The following PRKN variants were observed in gnomAD, a reference collection of about 807,000 sequenced individuals.
PRKN encodes the protein E3 ubiquitin-protein ligase parkin.
Under a neutral mutation model 59.5 loss-of-function variants are expected in PRKN, and 56 were observed. The ratio of observed to expected loss-of-function variants is 0.94; its 90% CI spans 0.76 to 1.18. PRKN has a LOEUF of 1.18. Ranked by LOEUF, PRKN falls within the 50% of genes most tolerant of loss-of-function variation. PRKN has a pLI of 0.00. For synonymous variants in PRKN, 250 were observed against 222.1 expected, an observed-to-expected ratio of 1.13 and a Z score of -1.12; for missense variants, 657 against 596.4, an observed-to-expected ratio of 1.10 and a Z score of -1.06.
At chr6:162,144,671 T>C (rs904318040) in intron 4 of PRKN, among the ~76,000 whole-genome samples, 2 of 152,168 alleles carry the variant, frequency 1.3e-5, no homozygotes, top group Non-Finnish European at 2.9e-5. Context: ...GCTTACATAG[T>C]TGATTTCAGG....
At chr6:161,749,077 ACT>A (rs1325451366) in intron 7 of PRKN, among the ~76,000 whole-genome samples, 1 of 151,910 alleles carries the variant, frequency 6.6e-6, no homozygotes, top group African/African-American at 2.4e-5. Flanking sequence ...TGAACAGATG[ACT>A]CTCTATAGTA....
intron 4 of PRKN, among the ~76,000 whole-genome samples, chr6:162,083,900 G>A (rs1221437274): frequency 1.3e-5 from 2 of 151,570 alleles, no homozygotes; most frequent in African/African-American, 2.4e-5. Flanking sequence ...TAGAAAAGTT[G>A]GTATTTCTTC....
intron 7 of PRKN, among the ~76,000 whole-genome samples, chr6:161,594,230 C>T (rs991267817): frequency 6.6e-6 from 1 of 152,130 alleles, no homozygotes; most frequent in African/African-American, 2.4e-5. Flanking sequence ...ATCAATTTAA[C>T]ACTCTTCAAG....
intron 1 of PRKN, among the ~76,000 whole-genome samples, chr6:162,664,940 T>C (rs925781523): frequency 6.6e-6 from 1 of 152,142 alleles, no homozygotes; most frequent in African/African-American, 2.4e-5. Flanking sequence ...ACCACATGAT[T>C]ATCTCAACAG....
At chr6:162,442,572 G>A (rs1790110396) in intron 2 of PRKN, among the ~76,000 whole-genome samples, 3 of 152,106 alleles carry the variant, frequency 2.0e-5, no homozygotes, top group Non-Finnish European at 2.9e-5. Context: ...TCACCAATCC[G>A]AATGACATGT....
chr6:162,643,767 G>C (rs147479362), intron 1 of PRKN: 145 of 152,158 alleles, frequency 9.5e-4, no homozygotes, highest in African/African-American at 3.4e-3. Flanking sequence ...TTTTTATCCA[G>C]TGTTTTGCTG....
chr6:162,569,559 G>C (rs1780224633), intron 1 of PRKN: 2 of 718,644 alleles, frequency 2.8e-6, no homozygotes, highest in Admixed American at 3.5e-5. Flanking sequence ...TTGGCCTATG[G>C]GGGTCTCACA....
chr6:161,923,211 C>T (rs1014042650), intron 6 of PRKN, among the ~76,000 whole-genome samples: 3 of 152,202 alleles, frequency 2.0e-5, no homozygotes, highest in Admixed American at 6.5e-5. Context: ...GGGCCAGTGC[C>T]GGGGCTCATG....
At chr6:162,195,634 T>C (rs1784458122) in intron 4 of PRKN, among the ~76,000 whole-genome samples, 1 of 152,204 alleles carries the variant, frequency 6.6e-6, no homozygotes, top group South Asian at 2.1e-4. Context: ...CATGGCAGAG[T>C]ATCTCATTAG....
intron 6 of PRKN, among the ~76,000 whole-genome samples, chr6:161,864,916 A>T (rs1794053394): frequency 1.3e-5 from 2 of 152,180 alleles, no homozygotes; most frequent in Admixed American, 1.3e-4. Flanking sequence ...GGCCTCACAA[A>T]GTGCTGGGAT....
At chr6:161,692,024 T>C (rs914970234) in intron 7 of PRKN, among the ~76,000 whole-genome samples, 1 of 151,160 alleles carries the variant, frequency 6.6e-6, no homozygotes, top group African/African-American at 2.4e-5. Flanking sequence ...TCAATTTTTA[T>C]CTCTCTCCAA....
Position 161,372,933 on chromosome 6 carries a change from G to A in PRKN, c.1168-12728C>T, listed in dbSNP as rs925347776. ...TAGCCTGGAAATCCTGGGCTCTCGA[G>A]TAGCTGGGACTACAGGCACATGCTT... On this transcript the variant is annotated intron_variant, in intron 10 of 11. Transcript: ENST00000366898. This position sits in a 1 kb window ranked among gnomAD's most constrained non-coding sequence, Gnocchi z 4.2. Among the ~76,000 whole-genome samples, 1 of 150,962 alleles carries A rather than the reference G, an allele frequency of 6.6e-6. No individual in the cohort carries two copies. Among genetic ancestry groups the A allele is most frequent in the African/African-American group, 2.4e-5 (1 of 41,002 alleles).
At chr6:161,404,036 G>A (rs1218831105) in intron 9 of PRKN, among the ~76,000 whole-genome samples, 1 of 152,074 alleles carries the variant, frequency 6.6e-6, no homozygotes, top group African/African-American at 2.4e-5. Context: ...TCATTCTAGG[G>A]AGTACTCTGA....
At chr6:161,951,928 AAAAG>A (rs1310362051) in intron 6 of PRKN, among the ~76,000 whole-genome samples, 3 of 151,620 alleles carry the variant, frequency 2.0e-5, no homozygotes, top group East Asian at 1.9e-4. Context: ...AAAAAAAAAA[AAAAG>A]AAAGGAAGAA....
chr6:161,532,423 TAGTGTGTGTGTGTG>T (rs1248929770), intron 9 of PRKN, among the ~76,000 whole-genome samples: 1 of 151,750 alleles, frequency 6.6e-6, no homozygotes, highest in African/African-American at 2.4e-5. Context: ...TGTATGTATG[TAGTGTGTGTGTGTG>T]AGTGTGTGTG....
Position 161,372,284 on chromosome 6 carries a change from T to G in PRKN, c.1168-12079A>C, listed in dbSNP as rs373565104. Among the ~76,000 whole-genome samples, 1 of 152,192 alleles carries G rather than the reference T, an allele frequency of 6.6e-6. No homozygotes were observed. Among genetic ancestry groups the G allele is most frequent in the African/African-American group, 2.4e-5 (1 of 41,450 alleles). On this transcript the variant is annotated intron_variant, in intron 10 of 11. Coordinates refer to ENST00000366898, the MANE Select transcript of PRKN (RefSeq NM_004562.3). This position sits in a 1 kb window ranked among gnomAD's most constrained non-coding sequence, Gnocchi z 4.2. ...TATTTTTGATAATGACATTCTCTAG[T>G]TTTTGGTTGGCTTAGGTCAGCAGTG...
chr6:161,987,052 T>C (rs1395663213), intron 5 of PRKN, among the ~76,000 whole-genome samples: 3 of 152,232 alleles, frequency 2.0e-5, no homozygotes, highest in East Asian at 3.8e-4. Flanking sequence ...TTCTTTTTAT[T>C]CGTGTCTTCT....
chr6:162,176,071 C>T (rs907127039), intron 4 of PRKN, among the ~76,000 whole-genome samples: 2 of 152,170 alleles, frequency 1.3e-5, no homozygotes, highest in African/African-American at 4.8e-5. Flanking sequence ...CCACCCTTCG[C>T]TCTCAATTAA....
intron 1 of PRKN, among the ~76,000 whole-genome samples, chr6:162,473,865 C>T (rs544780163): frequency 2.6e-5 from 4 of 152,262 alleles, no homozygotes; most frequent in African/African-American, 9.6e-5. Flanking sequence ...ACTCTTGAAA[C>T]ATCAAATATG....
Sources: gnomAD v4.1 joint callset for allele counts (sites outside exome capture counted in the v4.1 genomes callset) on GRCh38, gnomAD v4.1.1 for gene constraint, Gnocchi (gnomAD v3.1) non-coding constraint, MANE v1.5 for transcripts, NCBI Gene and HGNC (gene_info 2026-07-23, HGNC 2026-07-21) for gene names.